Variants in SKAP2 observed in about 807,000 individuals in gnomAD.
SKAP2 encodes the protein src kinase associated phosphoprotein 2.
SKAP2 carries 28 observed loss-of-function variants against 54.9 expected under a neutral mutation model. The ratio of observed to expected loss-of-function variants is 0.51; its 90% CI spans 0.38 to 0.70. The LOEUF (loss-of-function observed/expected upper bound fraction) is 0.70. SKAP2 is among the 30% of genes least tolerant of loss of function. SKAP2 has a pLI of 0.00. For missense variants in SKAP2, 356 were observed against 424.1 expected, an observed-to-expected ratio of 0.84 and a Z score of 1.41; for synonymous variants, 137 against 134.3, an observed-to-expected ratio of 1.02 and a Z score of -0.14.
chr7:26,823,308 CCT>C (rs1445078819), intron 4 of SKAP2, among the ~76,000 whole-genome samples: 3 of 151,238 alleles, frequency 2.0e-5, no homozygotes, highest in African/African-American at 7.3e-5. Context: ...CGCCTGTAAT[CCT>C]AGCTACTCAG....
chr7:26,767,691 T>C (rs964421795), intron 4 of SKAP2, among the ~76,000 whole-genome samples: 1 of 152,224 alleles, frequency 6.6e-6, no homozygotes, highest in Non-Finnish European at 1.5e-5. Flanking sequence ...AAAGAACTTA[T>C]TTATTTCTGC....
downstream of SKAP2, among the ~76,000 whole-genome samples, chr7:26,666,862 G>T (rs540456846): frequency 1.3e-4 from 20 of 152,262 alleles, no homozygotes; most frequent in African/African-American, 4.1e-4. Context: ...AAAGTCATTT[G>T]TATTATCCTT....
At chr7:26,727,745 A>G (rs1022020281) in intron 6 of SKAP2, among the ~76,000 whole-genome samples, 1 of 152,178 alleles carries the variant, frequency 6.6e-6, no homozygotes, top group Non-Finnish European at 1.5e-5. Flanking sequence ...AAAGACAAGT[A>G]AAGTGCGAAT....
intron 4 of SKAP2, among the ~76,000 whole-genome samples, chr7:26,816,225 A>G (rs1479560973): frequency 6.6e-6 from 1 of 152,192 alleles, no homozygotes; most frequent in Non-Finnish European, 1.5e-5. Context: ...ACCACACGGT[A>G]GATAAAAGAT....
intron 4 of SKAP2, among the ~76,000 whole-genome samples, chr7:26,840,116 A>G (rs1409437997): frequency 6.6e-6 from 1 of 152,120 alleles, no homozygotes; most frequent in Non-Finnish European, 1.5e-5. Flanking sequence ...CAATGCCCAC[A>G]GCCTTTCAGT....
intron 4 of SKAP2, among the ~76,000 whole-genome samples, chr7:26,826,509 A>G (rs1402256333): frequency 6.6e-6 from 1 of 152,202 alleles, no homozygotes; most frequent in Non-Finnish European, 1.5e-5. Flanking sequence ...CCATTCAAAG[A>G]GTTCTGACCA....
intron 9 of SKAP2, among the ~76,000 whole-genome samples, chr7:26,718,354 A>C (rs1787505895): frequency 6.6e-6 from 1 of 152,096 alleles, no homozygotes; most frequent in Non-Finnish European, 1.5e-5. Flanking sequence ...GAAAGTAAAT[A>C]AAAAGGATCT....
intron 3 of SKAP2, among the ~76,000 whole-genome samples, chr7:26,851,580 T>G (rs474462): frequency 6.6e-6 from 1 of 151,514 alleles, no homozygotes; most frequent in African/African-American, 2.4e-5. Flanking sequence ...GTGGTGGGGG[T>G]GGGGAGGGAT....
At chr7:26,860,183 G>A (rs1272358520) in intron 1 of SKAP2, among the ~76,000 whole-genome samples, 1 of 152,084 alleles carries the variant, frequency 6.6e-6, no homozygotes, top group Non-Finnish European at 1.5e-5. Context: ...ACTGTACGTA[G>A]TATCAAGAGC....
chr7:26,763,384 T>A (rs1242856145), intron 4 of SKAP2, among the ~76,000 whole-genome samples: 2 of 152,276 alleles, frequency 1.3e-5, no homozygotes, highest in Non-Finnish European at 2.9e-5. Flanking sequence ...AAAAAATTTA[T>A]GAAACTCATC....
chr7:26,655,811 T>A, the SKAP2 span, among the ~76,000 whole-genome samples: 1 of 152,182 alleles, frequency 6.6e-6, no homozygotes, highest in Non-Finnish European at 1.5e-5. Context: ...TAATGATGAA[T>A]CTTTTAGCAC....
chr7:26,718,248 G>A (rs1228531224), intron 9 of SKAP2, among the ~76,000 whole-genome samples: 1 of 151,832 alleles, frequency 6.6e-6, no homozygotes, highest in Non-Finnish European at 1.5e-5. Context: ...ATGAAAATAG[G>A]GGAGAGGAAT....
At chr7:26,827,561 A>C (rs1335080653) in intron 4 of SKAP2, among the ~76,000 whole-genome samples, 1 of 152,176 alleles carries the variant, frequency 6.6e-6, no homozygotes, top group Non-Finnish European at 1.5e-5. Context: ...AAGATATAGG[A>C]ATTCAAAATA....
intron 11 of SKAP2, among the ~76,000 whole-genome samples, chr7:26,673,315 T>C (rs1786280799): frequency 6.6e-6 from 1 of 152,090 alleles, no homozygotes; most frequent in Non-Finnish European, 1.5e-5. Flanking sequence ...TCAGGAGGAC[T>C]GATAAAATAA....
intron 4 of SKAP2, among the ~76,000 whole-genome samples, chr7:26,747,186 T>G (rs746931035): frequency 6.6e-6 from 1 of 152,202 alleles, no homozygotes; most frequent in Non-Finnish European, 1.5e-5. Context: ...ATCGTAGCAC[T>G]ATTACTTTCT....
chr7:26,725,025 G>A (rs1787670754), intron 9 of SKAP2, among the ~76,000 whole-genome samples: 1 of 152,030 alleles, frequency 6.6e-6, no homozygotes, highest in Non-Finnish European at 1.5e-5. Flanking sequence ...AACATCTGGG[G>A]TGTGCATAGA....
At chr7:26,821,688 A>G (rs1784386668) in intron 4 of SKAP2, among the ~76,000 whole-genome samples, 1 of 152,000 alleles carries the variant, frequency 6.6e-6, no homozygotes. Flanking sequence ...CTGCCTTTCC[A>G]CTTTCTTTAT....
At chr7:26,863,918 C>T (rs1785316415) in intron 1 of SKAP2, among the ~76,000 whole-genome samples, 1 of 152,190 alleles carries the variant, frequency 6.6e-6, no homozygotes, top group East Asian at 1.9e-4. Flanking sequence ...CTTTGCATCT[C>T]TACATCCTCT....
intron 4 of SKAP2, among the ~76,000 whole-genome samples, chr7:26,792,752 G>A (rs916517219): frequency 6.6e-6 from 1 of 152,118 alleles, no homozygotes; most frequent in Non-Finnish European, 1.5e-5. Flanking sequence ...TGATTTCCCT[G>A]CAGGCAATGT....
Sources: allele counts gnomAD v4.1 joint callset (sites outside exome capture counted in the v4.1 genomes callset), GRCh38; gene constraint gnomAD v4.1.1; transcripts MANE v1.5; gene names NCBI Gene and HGNC (gene_info 2026-07-23, HGNC 2026-07-21).